LINGO2: variants seen among roughly 807,000 people sequenced by gnomAD.
The protein encoded by LINGO2 is leucine-rich repeat and immunoglobulin-like domain-containing nogo receptor-interacting protein 2.
Under a neutral mutation model 30.6 loss-of-function variants are expected in LINGO2, and 14 were observed. That is an observed-to-expected ratio of 0.46 (90% CI 0.30 to 0.72). LINGO2 has a LOEUF of 0.72. LINGO2 is among the 30% of genes least tolerant of loss of function. The probability of loss-of-function intolerance (pLI) is 0.07; values close to 1 mark genes in which losing one functional copy is unlikely to be tolerated. For missense variants in LINGO2, 729 were observed against 751.7 expected (o/e 0.97, Z 0.35); for synonymous variants, 317 against 288.5 (o/e 1.10, Z -1.00).
intron 2 of LINGO2, among the ~76,000 whole-genome samples, chr9:28,422,646 C>T (rs1243010933): frequency 6.6e-6 from 1 of 151,962 alleles, no homozygotes; most frequent in Non-Finnish European, 1.5e-5. Context: ...ATAAATTCCA[C>T]GTGATCTAGC....
rs79981123 is a variant in LINGO2, at chr9:28,119,046, G to C, written c.-86-106641C>G. Among the ~76,000 whole-genome samples the C allele has an allele frequency of 1.1e-3, 97 of 85,002 alleles. No individual in the cohort carries two copies. In the East Asian group the frequency reaches 0.028, roughly 24 times the overall value. The allele number at this position is 85,002 out of a possible 152,430, so 55.8% of individuals were successfully genotyped here. A position where few individuals can be genotyped will look rare whatever the true frequency, so the allele number is the denominator to read the frequency against. ...TTTTCGTTAAAACATTTTACCTTTG[G>C]CAGTCAAGTAAAAAAAAAATGTGTT... On this transcript the variant is annotated intron_variant, in intron 4 of 5. Coordinates refer to ENST00000379992, the Ensembl canonical transcript of LINGO2.
chr9:28,886,731 C>G, the LINGO2 span, among the ~76,000 whole-genome samples: 2 of 152,210 alleles, frequency 1.3e-5, no homozygotes, highest in South Asian at 4.1e-4. Context: ...TAGCTAGTGT[C>G]ATCTACAGAA....
chr9:28,785,435 A>G, the LINGO2 span, among the ~76,000 whole-genome samples: 1 of 152,160 alleles, frequency 6.6e-6, no homozygotes, highest in Non-Finnish European at 1.5e-5. Flanking sequence ...CATCTAAAGT[A>G]GCTTCTCACT....
rs535799384 is a variant in LINGO2, at chr9:28,086,257, T to C, written c.-86-73852A>G. ...GACAAAATTAAAACATATGGAAAAA[T>C]GCTGCACTATATTCAAAATGAAAAG... On this transcript the variant is annotated intron_variant, in intron 4 of 5. Coordinates refer to ENST00000379992, the Ensembl canonical transcript of LINGO2. Among the ~76,000 whole-genome samples, 5 of 152,082 alleles carry C rather than the reference T, an allele frequency of 3.3e-5. No homozygotes were observed. In the South Asian group the frequency reaches 6.2e-4, roughly 19 times the overall value.
intron 1 of LINGO2, among the ~76,000 whole-genome samples, chr9:28,616,206 C>G (rs1563866312): frequency 6.6e-6 from 1 of 152,076 alleles, no homozygotes; most frequent in Non-Finnish European, 1.5e-5. Context: ...TTTTGTTCAG[C>G]TGGTCAAAAT....
At chr9:28,050,485 G>C (rs1824621552) in intron 4 of LINGO2, among the ~76,000 whole-genome samples, 1 of 150,848 alleles carries the variant, frequency 6.6e-6, no homozygotes, top group African/African-American at 2.5e-5. Context: ...AAAAACCACT[G>C]GGAAACAGTT....
the LINGO2 span, among the ~76,000 whole-genome samples, chr9:29,044,437 A>G: frequency 6.6e-6 from 1 of 152,050 alleles, no homozygotes; most frequent in Non-Finnish European, 1.5e-5. Flanking sequence ...AATAAAGGAG[A>G]TAACACCTTT....
chr9:28,885,474 T>A, the LINGO2 span, among the ~76,000 whole-genome samples: 1 of 99,062 alleles, frequency 1.0e-5, no homozygotes, highest in South Asian at 3.4e-4. Context: ...TATATATACA[T>A]ACATATACAC....
the LINGO2 span, among the ~76,000 whole-genome samples, chr9:28,945,466 A>T: frequency 5.8e-3 from 878 of 152,256 alleles, 10 homozygotes; most frequent in African/African-American, 0.02. Context: ...CTCTTGTCTC[A>T]TTCTTACCTA....
chr9:28,943,376 A>C, the LINGO2 span, among the ~76,000 whole-genome samples: 3 of 152,136 alleles, frequency 2.0e-5, no homozygotes, highest in South Asian at 2.1e-4. Flanking sequence ...CAGATGAAAA[A>C]AAAAATGTGT....
At chr9:28,738,852 T>C in the LINGO2 span, among the ~76,000 whole-genome samples, 1 of 152,046 alleles carries the variant, frequency 6.6e-6, no homozygotes, top group Non-Finnish European at 1.5e-5. Context: ...ATATATTTGA[T>C]AACACATTAA....
chr9:28,180,227 C>T (rs1413693298), intron 4 of LINGO2, among the ~76,000 whole-genome samples: 2 of 152,136 alleles, frequency 1.3e-5, no homozygotes, highest in African/African-American at 4.8e-5. Flanking sequence ...TGCTATCTCC[C>T]TCAGGTGAAC....
chr9:28,393,156 A>G (rs904645459), intron 2 of LINGO2, among the ~76,000 whole-genome samples: 5 of 152,202 alleles, frequency 3.3e-5, no homozygotes, highest in African/African-American at 1.2e-4. Flanking sequence ...CTTTCTTTTA[A>G]TAGGTAATTC....
intron 4 of LINGO2, among the ~76,000 whole-genome samples, chr9:28,067,952 A>G (rs1378580684): frequency 6.6e-6 from 1 of 152,126 alleles, no homozygotes; most frequent in East Asian, 1.9e-4. Context: ...ATACAGTTAA[A>G]TTCCTTGTAT....
intron 4 of LINGO2, among the ~76,000 whole-genome samples, chr9:28,055,981 G>GT (rs1343574318): frequency 2.6e-5 from 4 of 152,078 alleles, no homozygotes; most frequent in Non-Finnish European, 1.5e-5. Flanking sequence ...GTTACTACTT[G>GT]AGACCTTCAT....
chr9:28,472,511 A>G (rs928345299), intron 2 of LINGO2, among the ~76,000 whole-genome samples: 4 of 152,158 alleles, frequency 2.6e-5, no homozygotes, highest in Non-Finnish European at 4.4e-5. Context: ...TAAGTTTACT[A>G]TTAGGTTGTC....
the LINGO2 span, among the ~76,000 whole-genome samples, chr9:28,997,807 A>G: frequency 6.8e-5 from 10 of 146,228 alleles, no homozygotes; most frequent in South Asian, 2.0e-3. Context: ...TGGGCAACAG[A>G]GCAAGACTCT....
the LINGO2 span, among the ~76,000 whole-genome samples, chr9:29,036,554 A>C: frequency 6.6e-6 from 1 of 152,074 alleles, no homozygotes; most frequent in Admixed American, 6.6e-5. Context: ...TACTAGCCAG[A>C]AAGACCTACT....
At chr9:28,422,387 T>A (rs1823231771) in intron 2 of LINGO2, among the ~76,000 whole-genome samples, 1 of 152,006 alleles carries the variant, frequency 6.6e-6, no homozygotes, top group Admixed American at 6.6e-5. Context: ...AAAAAGAAGA[T>A]GTGCAAATGG....
Sources: gnomAD v4.1 joint callset for allele counts (sites outside exome capture counted in the v4.1 genomes callset) on GRCh38, gnomAD v4.1.1 for gene constraint, MANE v1.5 for transcripts, NCBI Gene and HGNC (gene_info 2026-07-23, HGNC 2026-07-21) for gene names.